Variants in GRIK1 observed in about 807,000 individuals in gnomAD.
GRIK1 encodes glutamate receptor ionotropic, kainate 1.
Under a neutral mutation model 105.7 loss-of-function variants are expected in GRIK1, and 69 were observed. The ratio of observed to expected loss-of-function variants is 0.65; its 90% CI spans 0.54 to 0.80. GRIK1 has a LOEUF of 0.80. Among genes scored for constraint, GRIK1 ranks in the 30% least tolerant of loss-of-function variants. The pLI is 0.00. For synonymous variants in GRIK1, 438 were observed against 431.3 expected, an observed-to-expected ratio of 1.02 and a Z score of -0.19; for missense variants, 1,109 against 1,167.3, an observed-to-expected ratio of 0.95 and a Z score of 0.73.
At chr21:29,916,338 A>AT (rs2070997007) in intron 1 of GRIK1, among the ~76,000 whole-genome samples, 1 of 151,896 alleles carries the variant, frequency 6.6e-6, no homozygotes, top group Non-Finnish European at 1.5e-5. Flanking sequence ...TATTTTTGTT[A>AT]TTTTTGCTAT....
chr21:29,873,717 G>A (rs930213654), intron 1 of GRIK1, among the ~76,000 whole-genome samples: 9 of 152,032 alleles, frequency 5.9e-5, no homozygotes, highest in Non-Finnish European at 1.3e-4. Flanking sequence ...AGAAATGTTG[G>A]GTCCTGTTTT....
chr21:29,640,169 A>G (rs80235998), intron 7 of GRIK1, among the ~76,000 whole-genome samples: 7,810 of 151,980 alleles, frequency 0.051, 557 homozygotes, highest in African/African-American at 0.15. Context: ...CTTAAAAAAA[A>G]AAAAGAAGCA....
intron 3 of GRIK1, among the ~76,000 whole-genome samples, chr21:29,686,799 A>G (rs2063494108): frequency 6.6e-6 from 1 of 152,192 alleles, no homozygotes; most frequent in East Asian, 1.9e-4. Context: ...ATTGGCTTTG[A>G]GAAGGCAGAA....
intron 1 of GRIK1, among the ~76,000 whole-genome samples, chr21:29,815,356 A>G (rs2067127793): frequency 6.6e-6 from 1 of 152,156 alleles, no homozygotes; most frequent in Non-Finnish European, 1.5e-5. Flanking sequence ...GATATCTCAT[A>G]AAGTATTGCT....
chr21:29,715,805 T>G (rs900296815), intron 1 of GRIK1, among the ~76,000 whole-genome samples: 8 of 151,764 alleles, frequency 5.3e-5, no homozygotes, highest in African/African-American at 1.9e-4. Context: ...AAACTGGTAC[T>G]CTATAAATGT....
At chr21:29,803,733 GA>G (rs901349546) in intron 1 of GRIK1, among the ~76,000 whole-genome samples, 14 of 151,466 alleles carry the variant, frequency 9.2e-5, no homozygotes, top group African/African-American at 2.4e-4. Context: ...GGTAAGTGAG[GA>G]AAAAAAATAT....
chr21:29,771,263 C>T (rs1235359719), intron 1 of GRIK1, among the ~76,000 whole-genome samples: 1 of 152,148 alleles, frequency 6.6e-6, no homozygotes, highest in Admixed American at 6.5e-5. Context: ...AAAACAGCTA[C>T]TCATTCCGTT....
chr21:29,561,495 C>T (rs779351132), intron 15 of GRIK1, 129 bp downstream of exon 15: 1 of 635,878 alleles, frequency 1.6e-6, no homozygotes, highest in Non-Finnish European at 2.9e-6. Flanking sequence ...TGGATGTTTA[C>T]ATTATTAGTT....
At chr21:29,662,449 G>A (rs1379886656) in intron 4 of GRIK1, among the ~76,000 whole-genome samples, 1 of 152,144 alleles carries the variant, frequency 6.6e-6, no homozygotes, top group Non-Finnish European at 1.5e-5. Flanking sequence ...GAATACGGAG[G>A]AAACAAATTT....
chr21:29,923,857 T>C (rs1336362924), intron 1 of GRIK1, among the ~76,000 whole-genome samples: 1 of 151,952 alleles, frequency 6.6e-6, no homozygotes, highest in African/African-American at 2.4e-5. Context: ...ATCTGAAAGG[T>C]TCAGAGGGGA....
At position 29,855,026 on chromosome 21, in the gene GRIK1, T is replaced by G. The variant is rs559761102; in HGVS notation, c.118+84357A>C. ...TCATTAGCTGGAGAACTAAGTCACT[T>G]TTGCAAACCAGGGCATGAGCTGTTG... is the stretch of plus-strand genomic sequence containing the variant. On this transcript the variant is annotated intron_variant, in intron 1 of 17. Transcript: ENST00000327783. 5.3e-5 allele frequency among the ~76,000 whole-genome samples: 8 copies of G among 152,362 alleles called. 1 individual carries two copies. In the South Asian group the frequency reaches 1.7e-3, roughly 32 times the overall value.
At chr21:29,569,768 T>C (rs1276379139) in intron 14 of GRIK1, among the ~76,000 whole-genome samples, 1 of 152,210 alleles carries the variant, frequency 6.6e-6, no homozygotes, top group Non-Finnish European at 1.5e-5. Context: ...TGGACTATCT[T>C]ATTGTTTCAT....
At chr21:29,923,860 A>G (rs147165336) in intron 1 of GRIK1, among the ~76,000 whole-genome samples, 295 of 152,334 alleles carry the variant, frequency 1.9e-3, no homozygotes, top group African/African-American at 6.7e-3. Flanking sequence ...TGAAAGGTTC[A>G]GAGGGGATAG....
rs991586438 is a variant in GRIK1, at chr21:29,665,262, G to T, written c.726+7721C>A. Among the ~76,000 whole-genome samples, 4 of 152,062 alleles carry T rather than the reference G, an allele frequency of 2.6e-5. No homozygotes were observed. In the South Asian group the frequency reaches 6.2e-4, roughly 24 times the overall value. ...AGTAAATTGTTGGTTATCCACAAAGGTCAATTAATTCTTGTATACATTTAA... is the reference window on the plus strand; with the variant it reads ...AGTAAATTGTTGGTTATCCACAAAGTTCAATTAATTCTTGTATACATTTAA... On this transcript the variant is annotated intron_variant, in intron 4 of 17. Transcript: ENST00000327783.
intron 1 of GRIK1, among the ~76,000 whole-genome samples, chr21:29,813,625 G>T (rs2067071092): frequency 6.6e-6 from 1 of 152,038 alleles, no homozygotes; most frequent in Non-Finnish European, 1.5e-5. Flanking sequence ...TATAAAATGT[G>T]TCTGAAGCCA....
At chr21:29,781,939 G>C (rs1223722617) in intron 1 of GRIK1, among the ~76,000 whole-genome samples, 5 of 151,322 alleles carry the variant, frequency 3.3e-5, no homozygotes, top group Non-Finnish European at 5.9e-5. Context: ...CAAAGTGCTG[G>C]GATTACAGGC....
intron 14 of GRIK1, among the ~76,000 whole-genome samples, chr21:29,568,928 T>C (rs1379342064): frequency 2.6e-5 from 4 of 152,226 alleles, no homozygotes; most frequent in Admixed American, 2.6e-4. Context: ...CTGAATTGCC[T>C]CACTCTGTTT....
intron 14 of GRIK1, among the ~76,000 whole-genome samples, chr21:29,576,229 A>T (rs2090890235): frequency 6.6e-6 from 1 of 152,206 alleles, no homozygotes; most frequent in South Asian, 2.1e-4. Context: ...TTGAGATTTG[A>T]TAATAAAAGT....
At chr21:29,908,139 G>C (rs2070706653) in intron 1 of GRIK1, among the ~76,000 whole-genome samples, 1 of 151,798 alleles carries the variant, frequency 6.6e-6, no homozygotes, top group South Asian at 2.1e-4. Context: ...TTTAACATTT[G>C]TTATCCAATT....
Sources: allele counts gnomAD v4.1 joint callset (sites outside exome capture counted in the v4.1 genomes callset), GRCh38; gene constraint gnomAD v4.1.1; transcripts MANE v1.5; gene names NCBI Gene and HGNC (gene_info 2026-07-23, HGNC 2026-07-21).